Variants in PCDH9 observed in about 807,000 individuals in gnomAD.
The protein encoded by PCDH9 is protocadherin-9.
PCDH9 carries 24 observed loss-of-function variants against 70.6 expected under a neutral mutation model. The ratio of observed to expected loss-of-function variants is 0.34; its 90% confidence interval spans 0.25 to 0.48. The LOEUF is 0.48. Ranked by LOEUF, PCDH9 falls within the 20% of genes least tolerant of loss-of-function variation. The pLI, the probability that PCDH9 is intolerant of heterozygous loss-of-function variation, is 0.99. For synonymous variants in PCDH9, 562 were observed against 558.5 expected (o/e 1.01, Z -0.09); for missense variants, 1,281 against 1,503.6 (o/e 0.85, Z 2.45).
chr13:67,123,956 A>T lies in PCDH9; in HGVS notation c.3036+101449T>A, dbSNP rs185118909. Among the ~76,000 whole-genome samples the T allele has an allele frequency of 9.2e-5, 14 of 152,156 alleles. No homozygotes were observed. The East Asian group carries it at 2.3e-3, about 25-fold the overall frequency. On this transcript the variant is annotated intron_variant, in intron 2 of 4. Coordinates refer to ENST00000377865, the MANE Select transcript of PCDH9 (RefSeq NM_203487.3). ...AAGAATCTTCCCAAACAGTATCTTA[A>T]TTCACAAAATATCTGAAGAGTTAAA...
chr13:66,891,906 G>A (rs1443862449), intron 3 of PCDH9, among the ~76,000 whole-genome samples: 1 of 151,546 alleles, frequency 6.6e-6, no homozygotes, highest in Non-Finnish European at 1.5e-5. Flanking sequence ...GAGAATGTGA[G>A]TCCTGGATAT....
intron 4 of PCDH9, among the ~76,000 whole-genome samples, chr13:66,630,313 T>C: frequency 6.6e-6 from 1 of 152,150 alleles, no homozygotes; most frequent in Non-Finnish European, 1.5e-5. Context: ...TTCCCCACCA[T>C]GAACATACCC....
At chr13:66,380,822 C>T (rs1956835646) in intron 4 of PCDH9, among the ~76,000 whole-genome samples, 1 of 152,154 alleles carries the variant, frequency 6.6e-6, no homozygotes, top group African/African-American at 2.4e-5. Flanking sequence ...GGATTACAGG[C>T]GTGAGCCACC....
At chr13:66,914,961 GA>G (rs1424582952) in intron 2 of PCDH9, 1 of 151,486 alleles carries the variant, frequency 6.6e-6, no homozygotes, top group East Asian at 1.9e-4. Flanking sequence ...ATACAGAATG[GA>G]TATCTCTTTG....
At chr13:66,793,363 T>G (rs1172863398) in intron 3 of PCDH9, among the ~76,000 whole-genome samples, 1 of 152,144 alleles carries the variant, frequency 6.6e-6, no homozygotes, top group African/African-American at 2.4e-5. Context: ...ACATACAGTC[T>G]AGAATAAAAC....
chr13:66,362,413 G>T (rs1298935563), intron 4 of PCDH9, among the ~76,000 whole-genome samples: 1 of 152,098 alleles, frequency 6.6e-6, no homozygotes, highest in African/African-American at 2.4e-5. Context: ...TATTCTCAAA[G>T]TCATTTTTAT....
chr13:66,652,189 C>T (rs2077862328), intron 3 of PCDH9, among the ~76,000 whole-genome samples: 2 of 151,942 alleles, frequency 1.3e-5, no homozygotes, highest in South Asian at 4.1e-4. Context: ...AGGGCATCCA[C>T]ACTGGAAAGG....
chr13:66,608,340 A>C (rs1275156392), intron 4 of PCDH9, among the ~76,000 whole-genome samples: 1 of 152,092 alleles, frequency 6.6e-6, no homozygotes, highest in Admixed American at 6.6e-5. Context: ...AAAGTCTAAA[A>C]CTTCAAGGAG....
At chr13:67,115,572 C>G (rs560403137) in intron 2 of PCDH9, among the ~76,000 whole-genome samples, 29 of 152,158 alleles carry the variant, frequency 1.9e-4, no homozygotes, top group Non-Finnish European at 3.1e-4. Flanking sequence ...TAGTGGAACA[C>G]TAATGGTGAT....
At chr13:66,896,423 T>C (rs1002496732) in intron 3 of PCDH9, among the ~76,000 whole-genome samples, 3 of 151,180 alleles carry the variant, frequency 2.0e-5, no homozygotes, top group Admixed American at 2.0e-4. Context: ...TCTGCACATG[T>C]ATCCCAGAAC....
intron 2 of PCDH9, among the ~76,000 whole-genome samples, chr13:67,113,737 G>A (rs545126379): frequency 1.3e-5 from 2 of 151,950 alleles, no homozygotes; most frequent in Admixed American, 1.3e-4. Context: ...TTAGTAGAGA[G>A]GGGGTTTCAC....
chr13:66,891,410 CA>C (rs2082093396), intron 3 of PCDH9, among the ~76,000 whole-genome samples: 2 of 152,126 alleles, frequency 1.3e-5, no homozygotes, highest in South Asian at 4.1e-4. Context: ...AACCAACCAC[CA>C]CTTTAGAAAA....
At chr13:66,455,317 T>G (rs868039338) in intron 4 of PCDH9, among the ~76,000 whole-genome samples, 1 of 151,668 alleles carries the variant, frequency 6.6e-6, no homozygotes, top group East Asian at 1.9e-4. Flanking sequence ...TAGAATTGTG[T>G]TTTTGAACAC....
chr13:67,047,008 G>A (rs910160919), intron 2 of PCDH9, among the ~76,000 whole-genome samples: 2 of 152,118 alleles, frequency 1.3e-5, no homozygotes, highest in African/African-American at 4.8e-5. Context: ...GCATATAAAT[G>A]ACTTGCCATT....
chr13:66,502,264 G>C (rs750410431), intron 4 of PCDH9, among the ~76,000 whole-genome samples: 4 of 151,996 alleles, frequency 2.6e-5, no homozygotes, highest in Non-Finnish European at 4.4e-5. Flanking sequence ...CACTGAATAA[G>C]GTTATTATTG....
chr13:66,558,626 C>T (rs1961853235), intron 4 of PCDH9, among the ~76,000 whole-genome samples: 1 of 151,764 alleles, frequency 6.6e-6, no homozygotes, highest in Middle Eastern at 3.2e-3. Context: ...CAGAAAGTGC[C>T]CTAGTACACA....
chr13:66,752,169 G>A (rs963303025), intron 3 of PCDH9, among the ~76,000 whole-genome samples: 3 of 152,108 alleles, frequency 2.0e-5, no homozygotes, highest in Admixed American at 1.3e-4. Flanking sequence ...TGACAGAAAC[G>A]TGTGGCTGGA....
chr13:66,347,692 T>C (rs1474975785), intron 4 of PCDH9, among the ~76,000 whole-genome samples: 1 of 152,164 alleles, frequency 6.6e-6, no homozygotes, highest in African/African-American at 2.4e-5. Context: ...CCTTGACCCA[T>C]GGTCAGCCAT....
At chr13:66,606,306 C>T (rs1344732186) in intron 4 of PCDH9, among the ~76,000 whole-genome samples, 3 of 152,040 alleles carry the variant, frequency 2.0e-5, no homozygotes, top group Non-Finnish European at 4.4e-5. Context: ...TACTTTTAAC[C>T]GTGCCTCCTG....
Sources: gnomAD v4.1 joint callset for allele counts (sites outside exome capture counted in the v4.1 genomes callset) on GRCh38, gnomAD v4.1.1 for gene constraint, MANE v1.5 for transcripts, NCBI Gene and HGNC (gene_info 2026-07-23, HGNC 2026-07-21) for gene names.